PDE1C: variants seen among roughly 807,000 people sequenced by gnomAD.
PDE1C encodes the protein phosphodiesterase 1C, also known as dual specificity calcium/calmodulin-dependent 3',5'-cyclic nucleotide phosphodiesterase 1C.
In PDE1C, 62 loss-of-function variants were observed where a neutral mutation model predicts 93.1. That is an observed-to-expected ratio of 0.67 (90% CI 0.54 to 0.82). PDE1C has a LOEUF of 0.82. Ranked by LOEUF, PDE1C falls within the 40% of genes least tolerant of loss-of-function variation. The probability of loss-of-function intolerance (pLI) is 0.00; values close to 1 mark genes in which losing one functional copy is unlikely to be tolerated. For synonymous variants in PDE1C, 325 were observed against 310.1 expected, an observed-to-expected ratio of 1.05 and a Z score of -0.50; for missense variants, 742 against 884.6, an observed-to-expected ratio of 0.84 and a Z score of 2.04.
intron 3 of PDE1C, among the ~76,000 whole-genome samples, chr7:32,120,083 A>C (rs1799210622): frequency 6.6e-6 from 1 of 152,168 alleles, no homozygotes; most frequent in Admixed American, 6.5e-5. Flanking sequence ...CTTCATCCCT[A>C]GAGGTGCCCC....
intron 2 of PDE1C, among the ~76,000 whole-genome samples, chr7:31,920,973 A>C (rs941908158): frequency 6.6e-6 from 1 of 152,188 alleles, no homozygotes; most frequent in Admixed American, 6.5e-5. Flanking sequence ...TCCATGACTG[A>C]GTTTTCAGTA....
At chr7:32,204,268 T>C (rs1223113079) in intron 2 of PDE1C, among the ~76,000 whole-genome samples, 1 of 152,248 alleles carries the variant, frequency 6.6e-6, no homozygotes, top group East Asian at 1.9e-4. Context: ...TGTTTATTCC[T>C]GGAATTTTCC....
At chr7:32,251,638 C>T (rs1292443307) in intron 1 of PDE1C, among the ~76,000 whole-genome samples, 1 of 152,182 alleles carries the variant, frequency 6.6e-6, no homozygotes, top group Non-Finnish European at 1.5e-5. Flanking sequence ...TCACACAACC[C>T]CTGCACCTGC....
Position 32,337,729 on chromosome 7 carries a change from G to GT in PDE1C, c.310+90092_310+90093insA, listed in dbSNP as rs1554308346. Among the ~76,000 whole-genome samples the GT allele has an allele frequency of 1.3e-3, 51 of 40,172 alleles. No individual in the cohort carries two copies. In the Admixed American group the frequency reaches 0.017, roughly 14 times the overall value. 26.4% of individuals were successfully genotyped at this position (40,172 alleles called of 152,430 possible). A position where few individuals can be genotyped will look rare whatever the true frequency, so the allele number is the denominator to read the frequency against. The stretch of plus-strand genomic sequence containing the variant: ...AGAGGAGAGGAGAAAAGGGAAAGGA[G>GT]GGGGGAGAAGAAAGACAAGTACTGA... On this transcript the variant is annotated intron_variant, in intron 1 of 1. Coordinates refer to the PDE1C transcript ENST00000672256.
At chr7:32,337,801 A>C (rs1477160627) in intron 1 of PDE1C, among the ~76,000 whole-genome samples, 2 of 152,186 alleles carry the variant, frequency 1.3e-5, no homozygotes, top group South Asian at 4.1e-4. Context: ...GGGAAAAAAA[A>C]CAATGAGAAA....
At chr7:32,335,553 C>G (rs531974961) in intron 1 of PDE1C, among the ~76,000 whole-genome samples, 25 of 152,268 alleles carry the variant, frequency 1.6e-4, no homozygotes, top group Admixed American at 2.6e-4. Context: ...AGCCTCTCTT[C>G]TTGGCTTGTC....
chr7:31,968,430 C>T (rs949530930), intron 2 of PDE1C, among the ~76,000 whole-genome samples: 3 of 151,920 alleles, frequency 2.0e-5, no homozygotes, highest in East Asian at 1.9e-4. Context: ...TCAAGGAGAA[C>T]TACAAACCAC....
the PDE1C span, among the ~76,000 whole-genome samples, chr7:31,673,392 GTCTGTT>G: frequency 6.6e-6 from 1 of 151,946 alleles, no homozygotes. Context: ...TCTGGCCATT[GTCTGTT>G]TCTATTTTCA....
At chr7:31,806,644 A>G (rs1424314980) in intron 16 of PDE1C, among the ~76,000 whole-genome samples, 1 of 151,934 alleles carries the variant, frequency 6.6e-6, no homozygotes, top group Non-Finnish European at 1.5e-5. Flanking sequence ...CCCCCTGTGC[A>G]TGCCCTGGCT....
chr7:31,712,917 T>A, the PDE1C span, among the ~76,000 whole-genome samples: 1 of 152,104 alleles, frequency 6.6e-6, no homozygotes, highest in Middle Eastern at 3.4e-3. Flanking sequence ...TTCAATTACC[T>A]CCCACCAGGT....
intron 2 of PDE1C, among the ~76,000 whole-genome samples, chr7:31,962,934 T>C (rs776020287): frequency 6.6e-6 from 1 of 152,226 alleles, no homozygotes; most frequent in Non-Finnish European, 1.5e-5. Context: ...AAGACACGTC[T>C]ACCTAGCCTG....
chr7:32,117,706 A>T (rs1799061933), intron 3 of PDE1C, among the ~76,000 whole-genome samples: 1 of 152,148 alleles, frequency 6.6e-6, no homozygotes, highest in African/African-American at 2.4e-5. Flanking sequence ...CTCTGGCTAG[A>T]GGTGTGTTTC....
At chr7:31,850,882 A>G (rs962688005) in intron 7 of PDE1C, 141 bp from the exon 8 acceptor site, 15 of 653,072 alleles carry the variant, frequency 2.3e-5, no homozygotes, top group Middle Eastern at 4.1e-4. Flanking sequence ...AGAGACAGAA[A>G]TAAGTTATTT....
intron 15 of PDE1C, among the ~76,000 whole-genome samples, chr7:31,809,462 A>G (rs1787282268): frequency 6.6e-6 from 1 of 152,082 alleles, no homozygotes; most frequent in South Asian, 2.1e-4. Context: ...CAGTTTTCCT[A>G]TCTGTAAAAT....
chr7:31,679,307 G>A, the PDE1C span, among the ~76,000 whole-genome samples: 9 of 152,280 alleles, frequency 5.9e-5, no homozygotes, highest in Admixed American at 5.9e-4. Flanking sequence ...TGGGCTTTAT[G>A]AGTATAGTAA....
chr7:31,783,987 C>T (rs917263315), intron 16 of PDE1C: 2 of 152,148 alleles, frequency 1.3e-5, no homozygotes, highest in Non-Finnish European at 2.9e-5. Context: ...CCAGAAATAC[C>T]TTCCTTATTC....
intron 2 of PDE1C, among the ~76,000 whole-genome samples, chr7:32,003,832 A>G (rs1785796310): frequency 6.6e-6 from 1 of 152,188 alleles, no homozygotes; most frequent in Admixed American, 6.5e-5. Context: ...AGATAGAAAA[A>G]CATTTTTACT....
chr7:31,946,615 C>A (rs1806650350), intron 2 of PDE1C, among the ~76,000 whole-genome samples: 1 of 152,190 alleles, frequency 6.6e-6, no homozygotes, highest in Admixed American at 6.5e-5. Flanking sequence ...GCACTTGATG[C>A]ACCACTTCCT....
At chr7:32,237,417 T>C (rs1383041758) in intron 1 of PDE1C, among the ~76,000 whole-genome samples, 2 of 152,034 alleles carry the variant, frequency 1.3e-5, no homozygotes, top group African/African-American at 4.8e-5. Context: ...GGGCTAGGGA[T>C]TGGGAGGGAG....
Sources: gnomAD v4.1 joint callset for allele counts (sites outside exome capture counted in the v4.1 genomes callset) on GRCh38, gnomAD v4.1.1 for gene constraint, MANE v1.5 for transcripts, NCBI Gene and HGNC (gene_info 2026-07-23, HGNC 2026-07-21) for gene names.